Variants in RBM11 observed in about 807,000 individuals in gnomAD.
RBM11 encodes RNA binding motif protein 11, also known as splicing regulator RBM11.
A neutral mutation model predicts 21.4 loss-of-function variants in RBM11; 18 were observed. The observed-to-expected ratio is 0.84, with a 90% CI of 0.58 to 1.25. The LOEUF (loss-of-function observed/expected upper bound fraction) is 1.25. RBM11 is among the 50% of genes most tolerant of loss of function. The pLI, the probability that RBM11 is intolerant of heterozygous loss-of-function variation, is 0.00. For synonymous variants in RBM11, 120 were observed against 116.3 expected (o/e 1.03, Z -0.20); for missense variants, 294 against 331.9 (o/e 0.89, Z 0.89).
At chr21:14,221,781 C>G (rs1394763545) in intron 3 of RBM11, among the ~76,000 whole-genome samples, 1 of 152,128 alleles carries the variant, frequency 6.6e-6, no homozygotes, top group Non-Finnish European at 1.5e-5. Flanking sequence ...TTTGTTACAT[C>G]CATTTTAAAA....
intron 1 of RBM11, among the ~76,000 whole-genome samples, chr21:14,217,685 G>GT (rs879618073): frequency 6.6e-6 from 1 of 151,606 alleles, no homozygotes; most frequent in Non-Finnish European, 1.5e-5. Context: ...ATCCATATCT[G>GT]TTTTTTCATT....
Position 14,227,488 on chromosome 21 carries a change from C to T in RBM11, c.*195C>T. 1 of 571,368 alleles carries T rather than the reference C, an allele frequency of 1.8e-6. No individual in the cohort carries two copies. Among genetic ancestry groups the T allele is most frequent in the South Asian group, 2.8e-5 (1 of 35,602 alleles). The allele number at this position is 571,368 out of a possible 1,614,324, so 35.4% of individuals were successfully genotyped here. On this transcript the variant is annotated 3_prime_UTR_variant, in exon 5 of 5. Coordinates refer to ENST00000400577, the MANE Select transcript of RBM11 (RefSeq NM_144770.5). ...TTTCTAAAAATAGTATAATGTACCA[C>T]TTTTTGTATTTGTCATGATATTTTT...
At chr21:14,216,654 G>T (rs546681386) in intron 1 of RBM11, among the ~76,000 whole-genome samples, 1 of 152,208 alleles carries the variant, frequency 6.6e-6, no homozygotes, top group Non-Finnish European at 1.5e-5. Context: ...AAGGAGAGGG[G>T]TCGCTTTTAT....
intron 3 of RBM11, among the ~76,000 whole-genome samples, chr21:14,221,948 TTC>T (rs1480171330): frequency 2.6e-5 from 4 of 152,208 alleles, no homozygotes; most frequent in Non-Finnish European, 4.4e-5. Flanking sequence ...ACTGCAGTAC[TTC>T]TGCAGCCTCT....
chr21:14,228,361 G>GT lies in RBM11; in HGVS notation c.*1073dup, dbSNP rs1979283370. On this transcript the variant is annotated 3_prime_UTR_variant, in exon 5 of 5. Transcript: ENST00000400577. ...TTATTATTTAAAAAAATAAAGATAT[G>GT]TTTTTAATGAAGAGAGTAACTGAAT... 1 of 152,122 alleles carries GT rather than the reference G, an allele frequency of 6.6e-6. No individual in the cohort carries two copies. The highest frequency in any genetic ancestry group is 6.5e-5 in the Admixed American group (1 of 15,272). 9.4% of individuals were successfully genotyped at this position (152,122 alleles called of 1,614,324 possible).
chr21:14,224,395 G>A (rs796335791), intron 3 of RBM11, 43 bp from the exon 4 acceptor site: 1 of 1,518,718 alleles, frequency 6.6e-7, no homozygotes, highest in African/African-American at 1.4e-5. Flanking sequence ...ATTTGTAATA[G>A]GAATTTTAAG....
Position 14,219,588 on chromosome 21 carries a change from T to C in RBM11, c.122T>C (p.Ile41Thr). ...GCGGGGCCACTAACCAAAGTGACTA[T>C]ATGCAAAGACAGAGAAGGAAAGCCA... ...LQAGPLTKVT[I>T]CKDREGKPKS... The change falls in exon 2 of 5, where the codon ATA (isoleucine) becomes ACA (threonine). Residue 41 changes from isoleucine (I) to threonine (T), a missense_variant. Physicochemically the swap from Ile to Thr is moderately conservative, Grantham distance 89 (BLOSUM62 -1). Transcript: ENST00000400577. 1 of 1,565,264 alleles carries C rather than the reference T, an allele frequency of 6.4e-7. No homozygotes were observed. The highest frequency in any genetic ancestry group is 1.2e-5 in the South Asian group (1 of 85,126).
intron 3 of RBM11, among the ~76,000 whole-genome samples, chr21:14,224,117 A>G (rs1241767316): frequency 6.6e-6 from 1 of 152,192 alleles, no homozygotes; most frequent in African/African-American, 2.4e-5. Context: ...TCTGTCTTCA[A>G]ATTTCCCCTT....
At chr21:14,224,411 A>T (rs1240125351) in intron 3 of RBM11, 27 bp from the exon 4 acceptor site, 4 of 1,525,560 alleles carry the variant, frequency 2.6e-6, no homozygotes, top group Non-Finnish European at 3.5e-6. Context: ...TTAAGATTTT[A>T]TTACTTCTTC....
At chr21:14,216,504 A>G (rs1278061034) in intron 1 of RBM11, among the ~76,000 whole-genome samples, 1 of 152,102 alleles carries the variant, frequency 6.6e-6, no homozygotes, top group Non-Finnish European at 1.5e-5. Context: ...GGGGTTGGGC[A>G]GGGACGTGGT....
intron 4 of RBM11, among the ~76,000 whole-genome samples, chr21:14,225,697 T>A (rs952062670): frequency 3.8e-4 from 58 of 152,288 alleles, no homozygotes; most frequent in African/African-American, 1.4e-3. Context: ...GGTAAAACAT[T>A]AGTAAACAAT....
chr21:14,228,257 G>T lies in RBM11; in HGVS notation c.*964G>T, dbSNP rs1979273891. ...ATTGAAAGAGTCATGCAACTCAGTT[G>T]GGAATTAACCACTCAATTCAATAGT... On this transcript the variant is annotated 3_prime_UTR_variant, in exon 5 of 5. Transcript: ENST00000400577. 6.6e-6 allele frequency: 1 copy of T among 151,934 alleles called. No homozygotes were observed. The highest frequency in any genetic ancestry group is 6.6e-5 in the Admixed American group (1 of 15,258). The allele number at this position is 151,934 out of a possible 1,614,324, so 9.4% of individuals were successfully genotyped here.
Position 14,216,264 on chromosome 21 carries a change from G to C in RBM11, c.78G>C (p.Leu26=). The stretch of plus-strand genomic sequence containing the variant: ...AGGCCCGAGTTCGGGAAGAGATTCT[G>C]TACGAGCTGTTCCTTCAGGTACCGT... The part of the protein sequence containing the change: ...NLEARVREEI[L]YELFLQAGPL... The change falls in exon 1 of 5, where the codon CTG becomes CTC. Residue 26 remains leucine, a synonymous_variant. Coordinates refer to ENST00000400577, the MANE Select transcript of RBM11 (RefSeq NM_144770.5). The C allele has an allele frequency of 3.7e-6, 6 of 1,613,588 alleles. No homozygotes were observed. The highest frequency in any genetic ancestry group is 2.2e-5 in the East Asian group (1 of 44,864).
At chr21:14,217,920 T>C (rs1298061544) in intron 1 of RBM11, among the ~76,000 whole-genome samples, 2 of 152,048 alleles carry the variant, frequency 1.3e-5, no homozygotes, top group Non-Finnish European at 2.9e-5. Flanking sequence ...CACAAGACTA[T>C]ATATTATCTT....
chr21:14,217,519 A>G (rs2020472635), intron 1 of RBM11, among the ~76,000 whole-genome samples: 1 of 152,170 alleles, frequency 6.6e-6, no homozygotes, highest in Admixed American at 6.5e-5. Context: ...TTAATTGTAG[A>G]TACAATTTGG....
chr21:14,217,068 G>A (rs904159942), intron 1 of RBM11, among the ~76,000 whole-genome samples: 8 of 152,134 alleles, frequency 5.3e-5, no homozygotes, highest in Non-Finnish European at 1.2e-4. Flanking sequence ...AAATTACAAT[G>A]TTTACGATAA....
At chr21:14,219,867 C>T (rs1978512580) in intron 2 of RBM11, 142 bp downstream of exon 2, 1 of 560,488 alleles carries the variant, frequency 1.8e-6, no homozygotes, top group African/African-American at 1.9e-5. Flanking sequence ...TAAATTTTCT[C>T]AGAACACGTG....
chr21:14,225,519 A>T (rs1286308686), intron 4 of RBM11, among the ~76,000 whole-genome samples: 1 of 152,202 alleles, frequency 6.6e-6, no homozygotes, highest in African/African-American at 2.4e-5. Flanking sequence ...TGACAGGTGT[A>T]GGACTAACCC....
chr21:14,224,574 G>A, intron 4 of RBM11, 37 bp downstream of exon 4: 1 of 1,517,864 alleles, frequency 6.6e-7, no homozygotes, highest in Non-Finnish European at 8.8e-7. Flanking sequence ...TATATAATAT[G>A]ATACAAACTA....
Sources: gnomAD v4.1 joint callset for allele counts (sites outside exome capture counted in the v4.1 genomes callset) on GRCh38, gnomAD v4.1.1 for gene constraint, MANE v1.5 for transcripts, NCBI Gene and HGNC (gene_info 2026-07-23, HGNC 2026-07-21) for gene names.